ADGRV1: variants seen among roughly 807,000 people sequenced by gnomAD.
ADGRV1 encodes G-protein coupled receptor 98.
A neutral mutation model predicts 596.2 loss-of-function variants in ADGRV1; 359 were observed. The ratio of observed to expected loss-of-function variants is 0.60; its 90% CI spans 0.55 to 0.66. ADGRV1 has a LOEUF of 0.66. Among genes scored for constraint, ADGRV1 ranks in the 30% least tolerant of loss-of-function variants. The pLI is 0.00. For missense variants in ADGRV1, 7,274 were observed against 7,575.6 expected, an observed-to-expected ratio of 0.96 and a Z score of 1.48; for synonymous variants, 2,681 against 2,679.2, an observed-to-expected ratio of 1.00 and a Z score of -0.02.
intron 85 of ADGRV1, among the ~76,000 whole-genome samples, chr5:91,028,085 AC>A (rs1784170771): frequency 6.7e-6 from 1 of 150,202 alleles, no homozygotes; most frequent in Non-Finnish European, 1.5e-5. Flanking sequence ...CTGAACTTCA[AC>A]TTTTCTCTGC....
intron 85 of ADGRV1, among the ~76,000 whole-genome samples, chr5:90,996,889 T>G (rs994883297): frequency 1.3e-5 from 2 of 152,242 alleles, no homozygotes; most frequent in African/African-American, 4.8e-5. Context: ...CTGCTGGGTT[T>G]TGGATTTCCA....
intron 88 of ADGRV1, among the ~76,000 whole-genome samples, chr5:91,151,016 A>G (rs979455390): frequency 6.6e-6 from 1 of 152,170 alleles, no homozygotes; most frequent in African/African-American, 2.4e-5. Context: ...CCATTTTTTT[A>G]TAAGCTCATA....
At chr5:90,753,935 C>A in intron 54 of ADGRV1, 106 bp downstream of exon 54, 1 of 1,154,272 alleles carries the variant, frequency 8.7e-7, no homozygotes. Flanking sequence ...ATGACTTTTT[C>A]AGTTTGGCAG....
intron 86 of ADGRV1, among the ~76,000 whole-genome samples, chr5:91,077,405 G>A (rs1788950038): frequency 1.3e-5 from 2 of 152,186 alleles, no homozygotes. Flanking sequence ...TTGTTCACTG[G>A]TTATAATGAA....
chr5:90,668,796 A>T (rs926809907), intron 21 of ADGRV1, among the ~76,000 whole-genome samples: 1 of 152,220 alleles, frequency 6.6e-6, no homozygotes, highest in Non-Finnish European at 1.5e-5. Flanking sequence ...TGATTTTTTT[A>T]AACTGAAAAT....
chr5:91,077,084 T>A (rs1788924643), intron 86 of ADGRV1, among the ~76,000 whole-genome samples: 1 of 152,184 alleles, frequency 6.6e-6, no homozygotes, highest in South Asian at 2.1e-4. Flanking sequence ...GTTAAGGTGG[T>A]ACTGTAAATT....
intron 85 of ADGRV1, among the ~76,000 whole-genome samples, chr5:91,059,372 C>G (rs1787194370): frequency 6.6e-6 from 1 of 152,104 alleles, no homozygotes; most frequent in Non-Finnish European, 1.5e-5. Flanking sequence ...TTCATTATTA[C>G]CAGTATTTTT....
At chr5:90,750,524 C>G (rs751410780) in intron 52 of ADGRV1, 27 bp from the exon 53 acceptor site, 6 of 1,578,080 alleles carry the variant, frequency 3.8e-6, no homozygotes, top group Non-Finnish European at 3.4e-6. Flanking sequence ...CAGGGAACCC[C>G]TTGTGACTTT....
intron 83 of ADGRV1, among the ~76,000 whole-genome samples, chr5:90,917,639 T>C (rs1773500308): frequency 6.6e-6 from 1 of 152,306 alleles, no homozygotes; most frequent in Non-Finnish European, 1.5e-5. Context: ...AGATAAGCTC[T>C]ATTATTGAGA....
Position 91,024,109 on chromosome 5 carries a change from C to T in ADGRV1, c.18152+38587C>T, listed in dbSNP as rs542912096. On this transcript the variant is annotated intron_variant, in intron 85 of 89. Coordinates refer to ENST00000405460, the MANE Select transcript of ADGRV1 (RefSeq NM_032119.4). The stretch of plus-strand genomic sequence containing the variant: ...AATCTCCCCAGCTGATTCTAATGTG[C>T]GGCAGGATTGAGTTCCTCCTCTCTA... Among the ~76,000 whole-genome samples the T allele has an allele frequency of 1.1e-3, 171 of 152,208 alleles. 1 individual carries two copies. Among genetic ancestry groups the T allele is most frequent in the South Asian group, 4.2e-4 (2 of 4,818 alleles).
intron 47 of ADGRV1, 101 bp from the exon 48 acceptor site, chr5:90,725,448 T>C: frequency 1.3e-6 from 1 of 763,758 alleles, no homozygotes; most frequent in East Asian, 2.6e-5. Context: ...TAAAATTTTT[T>C]AAGTCTTGCA....
At chr5:91,082,739 C>T (rs533001845) in intron 86 of ADGRV1, among the ~76,000 whole-genome samples, 7 of 152,268 alleles carry the variant, frequency 4.6e-5, no homozygotes, top group African/African-American at 1.4e-4. Context: ...CTCTCAACCT[C>T]GTCTATGAGC....
At chr5:91,135,009 C>T (rs140739396) in intron 87 of ADGRV1, among the ~76,000 whole-genome samples, 2,157 of 151,874 alleles carry the variant, frequency 0.014, 45 homozygotes, top group African/African-American at 0.047. Flanking sequence ...TGGTGAAACC[C>T]CGTCTCTACA....
intron 20 of ADGRV1, among the ~76,000 whole-genome samples, 198 bp from the exon 21 acceptor site, chr5:90,657,707 A>G (rs1451354173): frequency 6.6e-6 from 1 of 152,180 alleles, no homozygotes; most frequent in African/African-American, 2.4e-5. Flanking sequence ...TACAAAATAT[A>G]AATCCTAATG....
intron 85 of ADGRV1, among the ~76,000 whole-genome samples, chr5:91,055,461 T>C (rs911639341): frequency 1.3e-5 from 2 of 152,164 alleles, no homozygotes; most frequent in Non-Finnish European, 2.9e-5. Flanking sequence ...CTAAGCACTT[T>C]GATTACCTCA....
chr5:90,803,828 TA>T (rs141421600), intron 71 of ADGRV1, among the ~76,000 whole-genome samples: 29 of 148,284 alleles, frequency 2.0e-4, no homozygotes, highest in African/African-American at 3.9e-4. Flanking sequence ...TGTGTTGTTA[TA>T]AAAAAAAAAG....
chr5:90,738,403 G>GT (rs1488254397), intron 50 of ADGRV1, among the ~76,000 whole-genome samples: 1 of 151,928 alleles, frequency 6.6e-6, no homozygotes, highest in African/African-American at 2.4e-5. Context: ...ATACCATTCA[G>GT]TTTTCTTTAA....
intron 87 of ADGRV1, among the ~76,000 whole-genome samples, chr5:91,141,895 C>T (rs970648361): frequency 1.3e-5 from 2 of 152,112 alleles, no homozygotes; most frequent in African/African-American, 4.8e-5. Flanking sequence ...TATGCAAACC[C>T]GGTTTCAGCA....
rs1429821038 is a variant in ADGRV1 at position 90,755,485 on chromosome 5, TTTTGTCAG to T, written c.11580+304_11580+311del. ...TCTGATTGGATCCACTGTAATTTTG[TTTTGTCAG>T]TTTTTAAACTAATGACAACAAGTGA... On this transcript the variant is annotated intron_variant, in intron 55 of 89. Transcript: ENST00000405460. Among the ~76,000 whole-genome samples the T allele has an allele frequency of 2.0e-5, 3 of 152,156 alleles. No homozygotes were observed. In the East Asian group the frequency reaches 5.8e-4, roughly 29 times the overall value.
Sources: gnomAD v4.1 joint callset for allele counts (sites outside exome capture counted in the v4.1 genomes callset) on GRCh38, gnomAD v4.1.1 for gene constraint, MANE v1.5 for transcripts, NCBI Gene and HGNC (gene_info 2026-07-23, HGNC 2026-07-21) for gene names.